TENM1: variants seen among roughly 807,000 people sequenced by gnomAD.
The protein encoded by TENM1 is teneurin-1.
TENM1 carries 35 observed loss-of-function variants against 174.8 expected under a neutral mutation model. That is an observed-to-expected ratio of 0.20 (90% CI 0.15 to 0.27). The LOEUF (loss-of-function observed/expected upper bound fraction) is 0.27, where lower values mean the gene tolerates loss of function less well. Ranked by LOEUF, TENM1 falls within the 10% of genes least tolerant of loss-of-function variation. The pLI is 1.00. For missense variants in TENM1, 1,633 were observed against 2,130.1 expected, an observed-to-expected ratio of 0.77 and a Z score of 4.59; for synonymous variants, 781 against 798.7, an observed-to-expected ratio of 0.98 and a Z score of 0.37.
the TENM1 span, among the ~76,000 whole-genome samples, chrX:125,113,345 A>C: frequency 9.0e-6 from 1 of 111,390 alleles, no homozygotes; most frequent in Non-Finnish European, 1.9e-5. Flanking sequence ...CACAGGACAC[A>C]AAAAAGCACT....
At chrX:124,807,305 G>A (rs112058859) in intron 3 of TENM1, among the ~76,000 whole-genome samples, 5,095 of 111,755 alleles carry the variant, frequency 0.046, 169 homozygotes, top group African/African-American at 0.11. Context: ...AGAGCTGTAT[G>A]ATATATGCAA....
intron 25 of TENM1, among the ~76,000 whole-genome samples, chrX:124,408,834 A>C (rs748440803): frequency 2.3e-5 from 1 of 44,018 alleles, no homozygotes; most frequent in Non-Finnish European, 3.7e-5. Flanking sequence ...CCCACCCCAC[A>C]ACAGGCCCCA....
intron 1 of TENM1, among the ~76,000 whole-genome samples, chrX:124,918,390 G>A (rs1191540234): frequency 1.8e-5 from 2 of 110,155 alleles, no homozygotes; most frequent in African/African-American, 6.6e-5. Flanking sequence ...ATGCTGGCCA[G>A]GCTGGTACTG....
chrX:124,381,221 G>A, exon 32 of TENM1: 1 of 1,205,319 alleles, frequency 8.3e-7, no homozygotes. Context: ...GTATCGGGGA[G>A]TCATAGGTAG....
Position 124,420,826 on chromosome X carries a change from G to A in TENM1, c.4472-5C>T, listed in dbSNP as rs2147743065. On this transcript the variant is annotated splice_polypyrimidine_tract_variant and splice_region_variant and intron_variant, in intron 24 of 31. Coordinates refer to ENST00000422452, the Ensembl canonical transcript of TENM1. ...CTTTGGCATAGCCACCATCACCTGT[G>A]GGAGAAAGACTTGATTTTAACAATT... The A allele has an allele frequency of 8.3e-7, 1 of 1,201,812 alleles. No homozygotes were observed. Among genetic ancestry groups the A allele is most frequent in the Non-Finnish European group, 1.1e-6 (1 of 887,729 alleles).
chrX:124,874,917 C>A (rs1222375921), intron 3 of TENM1, among the ~76,000 whole-genome samples: 1 of 111,514 alleles, frequency 9.0e-6, no homozygotes, highest in Non-Finnish European at 1.9e-5. Flanking sequence ...TAGCACCCCG[C>A]TAATTTATTT....
intron 1 of TENM1, among the ~76,000 whole-genome samples, chrX:124,920,915 T>A (rs1416103365): frequency 9.2e-6 from 1 of 109,176 alleles, no homozygotes. Context: ...TTTTACATTA[T>A]CAAATCTGTC....
At chrX:125,086,706 A>C in the TENM1 span, among the ~76,000 whole-genome samples, 1 of 111,133 alleles carries the variant, frequency 9.0e-6, no homozygotes, top group Non-Finnish European at 1.9e-5. Flanking sequence ...TAAAAAAAGA[A>C]GAATAAGAAA....
At chrX:124,879,802 A>G (rs918855572) in intron 3 of TENM1, among the ~76,000 whole-genome samples, 2 of 111,941 alleles carry the variant, frequency 1.8e-5, no homozygotes, top group African/African-American at 6.5e-5. Context: ...TCTTTTTAAT[A>G]ACAGCTGTGA....
chrX:124,873,676 T>C (rs2057148434), intron 3 of TENM1, among the ~76,000 whole-genome samples: 1 of 111,497 alleles, frequency 9.0e-6, no homozygotes, highest in African/African-American at 3.3e-5. Flanking sequence ...ATTCAAACCC[T>C]GTGGCTTTTG....
At chrX:125,074,552 T>C in the TENM1 span, among the ~76,000 whole-genome samples, 1 of 111,151 alleles carries the variant, frequency 9.0e-6, no homozygotes, top group Admixed American at 9.6e-5. Flanking sequence ...ACAAAAGCCA[T>C]ATCTTAACTA....
At chrX:124,957,240 TG>T (rs1490907292) in intron 1 of TENM1, among the ~76,000 whole-genome samples, 1 of 108,577 alleles carries the variant, frequency 9.2e-6, no homozygotes. Context: ...GATGGATGAA[TG>T]GATGACAGAT....
At chrX:124,657,709 G>C (rs1303262344) in intron 6 of TENM1, among the ~76,000 whole-genome samples, 1 of 111,838 alleles carries the variant, frequency 8.9e-6, no homozygotes, top group Non-Finnish European at 1.9e-5. Flanking sequence ...ATAGAAGATA[G>C]TGAAACATGG....
chrX:125,140,652 C>T, the TENM1 span, among the ~76,000 whole-genome samples: 1 of 112,132 alleles, frequency 8.9e-6, no homozygotes, highest in African/African-American at 3.2e-5. Context: ...TATGGATATC[C>T]TAAGTACCCT....
intron 14 of TENM1, among the ~76,000 whole-genome samples, chrX:124,556,672 T>TA (rs1264994896): frequency 9.0e-6 from 1 of 110,857 alleles, no homozygotes; most frequent in Non-Finnish European, 1.9e-5. Flanking sequence ...TTCCTAATCT[T>TA]AAAAAATCTT....
chrX:124,733,090 G>T (rs189836332), intron 4 of TENM1, among the ~76,000 whole-genome samples: 1 of 111,897 alleles, frequency 8.9e-6, no homozygotes, highest in East Asian at 2.8e-4. Flanking sequence ...GTGTTCTAAA[G>T]AAAGAGACCA....
intron 1 of TENM1, among the ~76,000 whole-genome samples, chrX:124,944,443 A>T (rs1176475048): frequency 1.8e-5 from 2 of 108,511 alleles, no homozygotes; most frequent in Non-Finnish European, 3.8e-5. Flanking sequence ...GGAGTAAATA[A>T]AATAGGGCAA....
At chrX:125,117,929 T>C in the TENM1 span, among the ~76,000 whole-genome samples, 1 of 110,554 alleles carries the variant, frequency 9.0e-6, no homozygotes, top group East Asian at 2.8e-4. Flanking sequence ...CATATGTTTA[T>C]TGCAACACTA....
chrX:124,498,277 C>T (rs1331574553), intron 19 of TENM1, among the ~76,000 whole-genome samples: 1 of 111,300 alleles, frequency 9.0e-6, no homozygotes, highest in Non-Finnish European at 1.9e-5. Flanking sequence ...CTCCCCTATT[C>T]CTACATTAGT....
Sources: allele counts gnomAD v4.1 joint callset (sites outside exome capture counted in the v4.1 genomes callset), GRCh38; gene constraint gnomAD v4.1.1; transcripts MANE v1.5; gene names NCBI Gene and HGNC (gene_info 2026-07-23, HGNC 2026-07-21).